The following BAAT variants were observed in gnomAD, a reference collection of about 807,000 sequenced individuals.
BAAT encodes bile acid CoA: amino acid N-acyltransferase (glycine N-choloyltransferase).
A neutral mutation model predicts 18.9 loss-of-function variants in BAAT; 13 were observed. That is an observed-to-expected ratio of 0.69 (90% confidence interval 0.45 to 1.10). The LOEUF (loss-of-function observed/expected upper bound fraction) is 1.10. Among genes scored for constraint, BAAT ranks in the 50% least tolerant of loss-of-function variants. BAAT has a pLI of 0.00. For missense variants in BAAT, 489 were observed against 504.0 expected (o/e 0.97, Z 0.28); for synonymous variants, 170 against 190.7 (o/e 0.89, Z 0.89).
intron 1 of BAAT, among the ~76,000 whole-genome samples, chr9:101,382,816 G>A (rs371269851): frequency 2.0e-4 from 30 of 152,190 alleles, no homozygotes; most frequent in East Asian, 1.9e-3. Flanking sequence ...ATCAACCAGC[G>A]TGCCCAAACA....
chr9:101,366,388 C>G, intron 3 of BAAT, among the ~76,000 whole-genome samples: 1 of 152,128 alleles, frequency 6.6e-6, no homozygotes, highest in African/African-American at 2.4e-5. Context: ...TACTTAAAAT[C>G]AACACATAGA....
At chr9:101,372,641 G>GTTTTTTTTTTTTTTTTTTTTTTTTT (rs1829973332) in intron 1 of BAAT, among the ~76,000 whole-genome samples, 1 of 103,546 alleles carries the variant, frequency 9.7e-6, no homozygotes, top group African/African-American at 4.0e-5. Flanking sequence ...TTTTTTTTTG[G>GTTTTTTTTTTTTTTTTTTTTTTTTT]TCTTTATTTT....
At chr9:101,378,863 G>A (rs1017008430) in intron 1 of BAAT, among the ~76,000 whole-genome samples, 1 of 152,030 alleles carries the variant, frequency 6.6e-6, no homozygotes, top group Non-Finnish European at 1.5e-5. Context: ...AATCTACAAG[G>A]AACTTAAACA....
chr9:101,381,420 A>AGGCTGAGGCAGAAGAATTGCTTGAGC (rs1830130713), intron 1 of BAAT, among the ~76,000 whole-genome samples: 1 of 152,114 alleles, frequency 6.6e-6, no homozygotes, highest in South Asian at 2.1e-4. Context: ...GCTGCTTGAG[A>AGGCTGAGGCAGAAGAATTGCTTGAGC]GGCTGAGGCA....
chr9:101,379,075 G>T (rs966657487), intron 1 of BAAT, among the ~76,000 whole-genome samples: 3 of 152,186 alleles, frequency 2.0e-5, no homozygotes, highest in African/African-American at 7.2e-5. Flanking sequence ...AAAAAGTCAA[G>T]AAACAACAGA....
chr9:101,378,923 A>G (rs1326991676), intron 1 of BAAT, among the ~76,000 whole-genome samples: 1 of 152,252 alleles, frequency 6.6e-6, no homozygotes, highest in African/African-American at 2.4e-5. Flanking sequence ...GGTGAAGGAT[A>G]TAAACAGACA....
chr9:101,365,679 G>A (rs997540625), intron 3 of BAAT, among the ~76,000 whole-genome samples: 3 of 151,914 alleles, frequency 2.0e-5, no homozygotes, highest in Admixed American at 6.6e-5. Context: ...AACTACAGGC[G>A]CCCGCCACCA....
chr9:101,371,747 A>C (rs560456347), intron 1 of BAAT, among the ~76,000 whole-genome samples: 14 of 152,322 alleles, frequency 9.2e-5, no homozygotes, highest in African/African-American at 3.1e-4. Flanking sequence ...AAGATAACAC[A>C]ATCTGTTATA....
chr9:101,368,205 T>C lies in BAAT; in HGVS notation c.584A>G (p.Asn195Ser), dbSNP rs1449620140. 2 of 1,614,150 alleles carry C rather than the reference T, an allele frequency of 1.2e-6. No homozygotes were observed. The highest frequency in any genetic ancestry group is 1.7e-5 in the Admixed American group (1 of 60,012). The change falls in exon 3 of 4, where the codon AAC (asparagine) becomes AGC (serine). Residue 195 changes from asparagine (N) to serine (S), a missense_variant. Physicochemically the swap from Asn to Ser is conservative, Grantham distance 46 (BLOSUM62 1). Coordinates refer to ENST00000259407, the MANE Select transcript of BAAT (RefSeq NM_001701.4). The stretch of plus-strand genomic sequence containing the variant: ...TGGTTTGCGGGGCAGGTCTTCATAG[T>C]TATGGTAAGCCAAGGCCAAGGAGGC... ...GFASLALAYH[N>S]YEDLPRKPEV...
chr9:101,371,934 TA>T (rs1326907179), intron 1 of BAAT, among the ~76,000 whole-genome samples: 1 of 151,320 alleles, frequency 6.6e-6, no homozygotes, highest in South Asian at 2.1e-4. Flanking sequence ...CAACAGAACA[TA>T]AAAAAATAGA....
intron 1 of BAAT, among the ~76,000 whole-genome samples, chr9:101,375,108 C>A (rs961910536): frequency 6.6e-6 from 1 of 152,150 alleles, no homozygotes; most frequent in Non-Finnish European, 1.5e-5. Flanking sequence ...TGTTCCCCCC[C>A]ATACTGTTCT....
In BAAT at chr9:101,380,254, T is replaced by C. The variant is rs143730546; in HGVS notation, c.-60+4601A>G. Among the ~76,000 whole-genome samples, 1,131 of 152,340 alleles carry C rather than the reference T, an allele frequency of 7.4e-3. 8 individuals carry two copies. Among genetic ancestry groups the C allele is most frequent in the Non-Finnish European group, 0.012 (835 of 68,016 alleles). On this transcript the variant is annotated intron_variant, in intron 1 of 3. Coordinates refer to ENST00000259407, the MANE Select transcript of BAAT (RefSeq NM_001701.4). ...GTATAAGAGCACCTACCATAAATCC[T>C]ACCCTTAGGCAAATTCCTACATATT...
chr9:101,377,411 C>T (rs1047217953), intron 1 of BAAT, among the ~76,000 whole-genome samples: 1 of 152,162 alleles, frequency 6.6e-6, no homozygotes, highest in Non-Finnish European at 1.5e-5. Context: ...GCCCACATCC[C>T]TTGGCTCAAC....
At chr9:101,380,615 T>C (rs1475090764) in intron 1 of BAAT, among the ~76,000 whole-genome samples, 3 of 152,166 alleles carry the variant, frequency 2.0e-5, no homozygotes, top group Non-Finnish European at 2.9e-5. Flanking sequence ...GGAAATCACA[T>C]AGCATAATCT....
intron 1 of BAAT, among the ~76,000 whole-genome samples, chr9:101,377,923 C>A (rs1174171937): frequency 6.6e-6 from 1 of 152,100 alleles, no homozygotes; most frequent in African/African-American, 2.4e-5. Context: ...GATACAAAAT[C>A]AATGTGCAAA....
chr9:101,367,502 C>CTTT (rs34003904), intron 3 of BAAT, among the ~76,000 whole-genome samples: 17 of 144,590 alleles, frequency 1.2e-4, no homozygotes, highest in Admixed American at 5.5e-4. Context: ...ATGCATTATC[C>CTTT]TTTTTTTTTT....
In BAAT at chr9:101,368,303, C is replaced by T; in HGVS notation, c.486G>A (p.Gly162=). ...CCAAACCACCAAACAAATCAATTAC[C>T]CCTGGGAAGAGACCCTCTCCTGAAA... is the stretch of plus-strand genomic sequence containing the variant. The part of the protein sequence containing the change: ...FLPPGEGLFP[G]VIDLFGGLGG... Residue 162 remains glycine (G), a synonymous_variant, in exon 3 of 4, where the codon GGG becomes GGA. Transcript: ENST00000259407. 1 of 1,612,470 alleles carries T rather than the reference C, an allele frequency of 6.2e-7. No individual in the cohort carries two copies. The highest frequency in any genetic ancestry group is 8.5e-7 in the Non-Finnish European group (1 of 1,179,948).
At position 101,368,120 on chromosome 9, in the gene BAAT, CT is replaced by C. The variant is rs1413240813; in HGVS notation, c.668del (p.Lys223ArgfsTer9). ...EAANFLLRHP[K>X]VFGSGVGVVS... ...AACCTACTGAAAAGACAAAAATTAC[CT>C]TTGGATGTCTCAGGAGAAAGTTGGC... On this transcript the variant is annotated frameshift_variant and splice_region_variant, in exon 3 of 4. Coordinates refer to ENST00000259407, the MANE Select transcript of BAAT (RefSeq NM_001701.4). LOFTEE classifies it low-confidence loss of function (END_TRUNC). 1.2e-6 allele frequency: 2 copies of C among 1,613,204 alleles called. No individual in the cohort carries two copies. The highest frequency in any genetic ancestry group is 2.7e-5 in the African/African-American group (2 of 74,880).
chr9:101,365,263 T>C (rs1829806949), intron 3 of BAAT, among the ~76,000 whole-genome samples: 1 of 152,172 alleles, frequency 6.6e-6, no homozygotes, highest in South Asian at 2.1e-4. Context: ...TGATCTCCTA[T>C]ATTTTAAAGG....
Sources: gnomAD v4.1 joint callset for allele counts (sites outside exome capture counted in the v4.1 genomes callset) on GRCh38, gnomAD v4.1.1 for gene constraint, MANE v1.5 for transcripts, NCBI Gene and HGNC (gene_info 2026-07-23, HGNC 2026-07-21) for gene names.